The following FHIP1A variants were observed in gnomAD, a reference collection of about 807,000 sequenced individuals.
FHIP1A encodes the protein FHF complex subunit HOOK-interacting protein 1A.
A neutral mutation model predicts 88.6 loss-of-function variants in FHIP1A; 61 were observed. The ratio of observed to expected loss-of-function variants is 0.69; its 90% CI spans 0.56 to 0.85. The LOEUF (loss-of-function observed/expected upper bound fraction) is 0.85, where lower values mean the gene tolerates loss of function less well. FHIP1A is among the 40% of genes least tolerant of loss of function. FHIP1A has a pLI of 0.00. For synonymous variants in FHIP1A, 478 were observed against 496.0 expected, an observed-to-expected ratio of 0.96 and a Z score of 0.48; for missense variants, 1,154 against 1,273.5, an observed-to-expected ratio of 0.91 and a Z score of 1.43.
chr4:151,427,619 T>A (rs559463619), intron 1 of FHIP1A, among the ~76,000 whole-genome samples: 1 of 152,262 alleles, frequency 6.6e-6, no homozygotes, highest in South Asian at 2.1e-4. Flanking sequence ...AATTTTAATT[T>A]GAATTTTTTT....
intron 3 of FHIP1A, among the ~76,000 whole-genome samples, chr4:151,532,244 C>T (rs1207253682): frequency 6.6e-6 from 1 of 152,072 alleles, no homozygotes; most frequent in East Asian, 1.9e-4. Context: ...TTTCATAAAT[C>T]TTTTTCTTGC....
chr4:151,644,815 G>A (rs889563742), intron 9 of FHIP1A, among the ~76,000 whole-genome samples: 4 of 151,976 alleles, frequency 2.6e-5, no homozygotes, highest in Admixed American at 6.5e-5. Context: ...GCACCCTGGC[G>A]CCCTCCTGTG....
intron 3 of FHIP1A, among the ~76,000 whole-genome samples, chr4:151,558,429 G>A (rs755627737): frequency 1.1e-4 from 17 of 151,980 alleles, no homozygotes; most frequent in Middle Eastern, 3.2e-3. Context: ...CCAGCTACTC[G>A]GAGGCTGAGG....
At chr4:151,583,409 C>T (rs1266751260) in intron 5 of FHIP1A, among the ~76,000 whole-genome samples, 4 of 152,194 alleles carry the variant, frequency 2.6e-5, no homozygotes, top group African/African-American at 9.7e-5. Flanking sequence ...TAGAGAGTAT[C>T]CTTCTGTACA....
rs60777689 is a variant in FHIP1A, at chr4:151,411,349, A to ATT, written c.-356+1896_-356+1897dup. 5.6e-3 allele frequency among the ~76,000 whole-genome samples: 763 copies of ATT among 136,780 alleles called. 15 individuals are homozygous for ATT. Among genetic ancestry groups the ATT allele is most frequent in the South Asian group, 0.025 (112 of 4,472 alleles). 89.7% of individuals were successfully genotyped at this position (136,780 alleles called of 152,430 possible). On this transcript the variant is annotated intron_variant, in intron 1 of 13. Transcript: ENST00000435205. ...CTCTGAGGAGTGAAATTATATATATATTTTTTTTTTTTTAAAGTTAGGGTC... is the reference window on the plus strand; with the variant it reads ...CTCTGAGGAGTGAAATTATATATATATTTTTTTTTTTTTTTAAAGTTAGGGTC...
At chr4:151,621,445 T>G (rs1735740909) in intron 7 of FHIP1A, among the ~76,000 whole-genome samples, 1 of 152,034 alleles carries the variant, frequency 6.6e-6, no homozygotes, top group Admixed American at 6.6e-5. Flanking sequence ...CAGAGCTTGC[T>G]TTGTTACTTT....
At position 151,668,643 on chromosome 4, in the gene FHIP1A, G is replaced by T. The variant is rs1408165563; in HGVS notation, c.*5889G>T. Among the ~76,000 whole-genome samples the T allele has an allele frequency of 3.3e-5, 5 of 152,260 alleles. No homozygotes were observed. The highest frequency in any genetic ancestry group is 7.3e-5 in the Non-Finnish European group (5 of 68,050). ...TGACCCAGAACGCAGAAGCCTAGTA[G>T]TTGGTATCACCAGTGTCTCTTCAAA... is the stretch of plus-strand genomic sequence containing the variant. On this transcript the variant is annotated 3_prime_UTR_variant, in exon 14 of 14. Transcript: ENST00000435205.
chr4:151,580,879 A>T (rs1438551165), intron 5 of FHIP1A, among the ~76,000 whole-genome samples: 1 of 152,200 alleles, frequency 6.6e-6, no homozygotes, highest in East Asian at 1.9e-4. Context: ...ATTTATTGAG[A>T]CAGAGTCTCA....
chr4:151,607,948 G>A (rs1216926337), intron 7 of FHIP1A, among the ~76,000 whole-genome samples: 1 of 148,302 alleles, frequency 6.7e-6, no homozygotes, highest in East Asian at 2.0e-4. Flanking sequence ...TAATATGCTT[G>A]TTGCTCCTTA....
At chr4:151,416,848 A>G (rs866838239) in intron 1 of FHIP1A, among the ~76,000 whole-genome samples, 2 of 151,978 alleles carry the variant, frequency 1.3e-5, no homozygotes, top group Non-Finnish European at 2.9e-5. Flanking sequence ...CACTAGTGCA[A>G]TTTGGGCTCA....
chr4:151,502,432 C>G (rs1290207512), intron 3 of FHIP1A, among the ~76,000 whole-genome samples: 1 of 151,886 alleles, frequency 6.6e-6, no homozygotes, highest in Non-Finnish European at 1.5e-5. Context: ...AAAGTGAAAC[C>G]ATGTAGAAAT....
At chr4:151,410,805 AT>A (rs1291027206) in intron 1 of FHIP1A, among the ~76,000 whole-genome samples, 9 of 152,254 alleles carry the variant, frequency 5.9e-5, no homozygotes, top group Non-Finnish European at 1.0e-4. Flanking sequence ...TTTTCGCATA[AT>A]TAAAGGTTGA....
At chr4:151,544,053 A>G (rs1468847747) in intron 3 of FHIP1A, among the ~76,000 whole-genome samples, 3 of 152,214 alleles carry the variant, frequency 2.0e-5, no homozygotes, top group Non-Finnish European at 2.9e-5. Flanking sequence ...GCTTAGGGCA[A>G]TAAGCACATG....
chr4:151,437,852 A>G (rs1728259431), intron 1 of FHIP1A, among the ~76,000 whole-genome samples: 1 of 152,196 alleles, frequency 6.6e-6, no homozygotes, highest in Non-Finnish European at 1.5e-5. Context: ...AACTTTTTAT[A>G]ATGCATTCCA....
At chr4:151,642,748 T>C (rs945732244) in intron 9 of FHIP1A, among the ~76,000 whole-genome samples, 5 of 152,088 alleles carry the variant, frequency 3.3e-5, no homozygotes, top group Non-Finnish European at 7.4e-5. Context: ...CACAGAATTA[T>C]TTTAGAAGTG....
At chr4:151,542,334 G>A (rs925262451) in intron 3 of FHIP1A, among the ~76,000 whole-genome samples, 5 of 152,074 alleles carry the variant, frequency 3.3e-5, no homozygotes, top group Non-Finnish European at 5.9e-5. Context: ...AGCCCTTGGT[G>A]GAATGTGACT....
At chr4:151,573,490 A>G (rs144522801) in intron 4 of FHIP1A, among the ~76,000 whole-genome samples, 2 of 152,310 alleles carry the variant, frequency 1.3e-5, no homozygotes, top group Non-Finnish European at 2.9e-5. Context: ...AATTTGTTTT[A>G]TAATTTGGAA....
intron 13 of FHIP1A, among the ~76,000 whole-genome samples, chr4:151,660,201 A>G (rs1304575563): frequency 1.3e-5 from 2 of 152,204 alleles, no homozygotes; most frequent in Non-Finnish European, 2.9e-5. Flanking sequence ...GCCCGGGTCA[A>G]TGTGCTGCCA....
At chr4:151,644,390 C>G (rs1324510399) in intron 9 of FHIP1A, among the ~76,000 whole-genome samples, 1 of 151,790 alleles carries the variant, frequency 6.6e-6, no homozygotes. Context: ...CTCACTCTGT[C>G]CCCCAGGCTG....
Sources: allele counts gnomAD v4.1 joint callset (sites outside exome capture counted in the v4.1 genomes callset), GRCh38; gene constraint gnomAD v4.1.1; transcripts MANE v1.5; gene names NCBI Gene and HGNC (gene_info 2026-07-23, HGNC 2026-07-21).